SLC44A5: variants seen among roughly 807,000 people sequenced by gnomAD.
The protein encoded by SLC44A5 is choline transporter-like protein 5.
In SLC44A5, 57 loss-of-function variants were observed where a neutral mutation model predicts 101.8. That is an observed-to-expected ratio of 0.56 (90% CI 0.45 to 0.70). The LOEUF is 0.70. Among genes scored for constraint, SLC44A5 ranks in the 30% least tolerant of loss-of-function variants. The probability of loss-of-function intolerance (pLI) is 0.00; values close to 1 mark genes in which losing one functional copy is unlikely to be tolerated. For missense variants in SLC44A5, 737 were observed against 853.1 expected (o/e 0.86, Z 1.70); for synonymous variants, 281 against 290.9 (o/e 0.97, Z 0.35).
intron 5 of SLC44A5, among the ~76,000 whole-genome samples, chr1:75,279,182 C>T (rs1316339302): frequency 1.3e-5 from 2 of 152,106 alleles, no homozygotes; most frequent in African/African-American, 2.4e-5. Context: ...CATTAACCAA[C>T]TTCTCTTCAT....
At chr1:75,452,731 C>A (rs1357586832) in intron 2 of SLC44A5, among the ~76,000 whole-genome samples, 1 of 151,974 alleles carries the variant, frequency 6.6e-6, no homozygotes, top group Non-Finnish European at 1.5e-5. Flanking sequence ...GAAAAAAGAG[C>A]AGAGGTCACT....
chr1:75,671,419 C>T, the SLC44A5 span, among the ~76,000 whole-genome samples: 453 of 149,108 alleles, frequency 3.0e-3, 4 homozygotes, highest in Admixed American at 8.9e-3. Context: ...TGCTAATATA[C>T]GCATCCAGGA....
chr1:75,574,202 C>T (rs998252661), intron 1 of SLC44A5, among the ~76,000 whole-genome samples: 1 of 152,160 alleles, frequency 6.6e-6, no homozygotes, highest in African/African-American at 2.4e-5. Flanking sequence ...TAAGCCTTCA[C>T]TCATTTTCTG....
At chr1:75,295,151 T>C (rs1653866523) in intron 5 of SLC44A5, among the ~76,000 whole-genome samples, 1 of 152,190 alleles carries the variant, frequency 6.6e-6, no homozygotes, top group African/African-American at 2.4e-5. Context: ...ACACCTTAAA[T>C]ATATACTTTT....
intron 2 of SLC44A5, among the ~76,000 whole-genome samples, chr1:75,532,317 G>C (rs1670763259): frequency 6.6e-6 from 1 of 152,148 alleles, no homozygotes; most frequent in Non-Finnish European, 1.5e-5. Flanking sequence ...GTTTACACTT[G>C]CACGTTACTT....
intron 2 of SLC44A5, among the ~76,000 whole-genome samples, chr1:75,460,300 C>T (rs1666425799): frequency 6.6e-6 from 1 of 152,172 alleles, no homozygotes. Context: ...TTCCGCCCAA[C>T]TTTATTTGGA....
upstream of SLC44A5, among the ~76,000 whole-genome samples, chr1:75,613,145 G>A (rs1186177202): frequency 1.3e-5 from 2 of 152,184 alleles, no homozygotes; most frequent in Non-Finnish European, 1.5e-5. Context: ...CACAAGATCC[G>A]ACGAATGATC....
intron 2 of SLC44A5, among the ~76,000 whole-genome samples, chr1:75,398,741 T>A (rs1304743023): frequency 6.6e-6 from 1 of 152,180 alleles, no homozygotes; most frequent in Non-Finnish European, 1.5e-5. Flanking sequence ...GCATGATCAG[T>A]TTACAAGATG....
the SLC44A5 span, among the ~76,000 whole-genome samples, chr1:75,619,080 G>GT: frequency 1.7e-5 from 1 of 58,806 alleles, no homozygotes; most frequent in Non-Finnish European, 3.1e-5. Flanking sequence ...CAAAAAAAAA[G>GT]GGGGGGGGGA....
intron 2 of SLC44A5, among the ~76,000 whole-genome samples, chr1:75,401,283 C>A (rs761521192): frequency 5.3e-5 from 8 of 152,192 alleles, no homozygotes; most frequent in Non-Finnish European, 1.0e-4. Context: ...ATATCAAATT[C>A]TATGCTGGGC....
chr1:75,608,492 T>C (rs1173880276), intron 1 of SLC44A5, among the ~76,000 whole-genome samples: 1 of 152,042 alleles, frequency 6.6e-6, no homozygotes, highest in Non-Finnish European at 1.5e-5. Context: ...ACAGTCGCCG[T>C]AGCAATTATT....
chr1:75,241,199 C>T (rs927754568), intron 9 of SLC44A5, among the ~76,000 whole-genome samples: 6 of 151,500 alleles, frequency 4.0e-5, no homozygotes, highest in African/African-American at 1.5e-4. Flanking sequence ...AGAAAGAAAA[C>T]TCAGTGATTA....
In SLC44A5 at chr1:75,525,731, A is replaced by T. The variant is rs148094823; in HGVS notation, c.13+15704T>A. Reference sequence around the variant, plus strand: ...TCATGTGTGTGGGTATAATATGAATATAAAATTGTCTTAGATATGATGATG... The same window carrying T: ...TCATGTGTGTGGGTATAATATGAATTTAAAATTGTCTTAGATATGATGATG... On this transcript the variant is annotated intron_variant, in intron 2 of 23. Transcript: ENST00000370859. 1.9e-3 allele frequency among the ~76,000 whole-genome samples: 293 copies of T among 152,332 alleles called. 11 individuals carry two copies. In the East Asian group the frequency reaches 0.053, roughly 28 times the overall value.
chr1:75,383,372 TTGTCTC>T (rs1262983067), intron 3 of SLC44A5, among the ~76,000 whole-genome samples: 25 of 149,922 alleles, frequency 1.7e-4, no homozygotes, highest in Non-Finnish European at 4.4e-5. Flanking sequence ...TCTCTATACT[TTGTCTC>T]TGTGTCTTTT....
chr1:75,609,940 T>C (rs900431126), intron 1 of SLC44A5, among the ~76,000 whole-genome samples: 2 of 152,084 alleles, frequency 1.3e-5, no homozygotes, highest in African/African-American at 4.8e-5. Flanking sequence ...CTTGATTGGA[T>C]AGCTCTGGGT....
chr1:75,500,341 C>T (rs1010426531), intron 2 of SLC44A5, among the ~76,000 whole-genome samples: 4 of 152,080 alleles, frequency 2.6e-5, no homozygotes, highest in South Asian at 2.1e-4. Flanking sequence ...GTCTGAGGAT[C>T]GAAAGATGGA....
chr1:75,620,449 AAC>A, the SLC44A5 span, among the ~76,000 whole-genome samples: 1 of 152,166 alleles, frequency 6.6e-6, no homozygotes, highest in African/African-American at 2.4e-5. Context: ...CACTCCCACC[AAC>A]AGTGTAAAAG....
intron 2 of SLC44A5, among the ~76,000 whole-genome samples, chr1:75,475,655 A>G (rs983855182): frequency 1.3e-5 from 2 of 152,192 alleles, no homozygotes; most frequent in Non-Finnish European, 2.9e-5. Flanking sequence ...GCCATCTCCA[A>G]ACCTTTCAGA....
rs1469813662 is a variant in SLC44A5, at chr1:75,325,252, A to G, written c.101+14330T>C. The stretch of plus-strand genomic sequence containing the variant: ...GACAGAAGAGGGCACTGAGGACACC[A>G]TTTTTCAACTTGTATGAATAACAAT... On this transcript the variant is annotated intron_variant, in intron 4 of 23. Transcript: ENST00000370859. Among the ~76,000 whole-genome samples the G allele has an allele frequency of 5.9e-5, 9 of 152,220 alleles. No individual in the cohort carries two copies. In the East Asian group the frequency reaches 1.7e-3, roughly 29 times the overall value.
Sources: allele counts gnomAD v4.1 joint callset (sites outside exome capture counted in the v4.1 genomes callset), GRCh38; gene constraint gnomAD v4.1.1; transcripts MANE v1.5; gene names NCBI Gene and HGNC (gene_info 2026-07-23, HGNC 2026-07-21).